The following FAR2 variants were observed in gnomAD, a reference collection of about 807,000 sequenced individuals.
The protein encoded by FAR2 is epididymis secretory protein Li 81.
Under a neutral mutation model 56.0 loss-of-function variants are expected in FAR2, and 19 were observed. The ratio of observed to expected loss-of-function variants is 0.34; its 90% CI spans 0.24 to 0.50. The LOEUF (loss-of-function observed/expected upper bound fraction) is 0.50, where lower values mean the gene tolerates loss of function less well. Among genes scored for constraint, FAR2 ranks in the 20% least tolerant of loss-of-function variants. The pLI is 0.98. For missense variants in FAR2, 508 were observed against 642.2 expected (o/e 0.79, Z 2.26); for synonymous variants, 219 against 218.8 (o/e 1.00, Z -0.01).
At chr12:29,216,749 TCAATATTTTAGACTTCCAAAAATATAC>T (rs1337934899) in intron 1 of FAR2, among the ~76,000 whole-genome samples, 1 of 152,250 alleles carries the variant, frequency 6.6e-6, no homozygotes, top group Non-Finnish European at 1.5e-5. Flanking sequence ...TTCAGGCATT[TCAATATTTTAGACTTCCAAAAATATAC>T]CAAAATATAA....
chr12:29,196,198 C>T (rs565741341), intron 1 of FAR2, among the ~76,000 whole-genome samples: 1 of 152,124 alleles, frequency 6.6e-6, no homozygotes, highest in South Asian at 2.1e-4. Context: ...GACTTCTTTT[C>T]TTTTGGGTAG....
chr12:29,292,872 G>T (rs1948994207), intron 2 of FAR2, among the ~76,000 whole-genome samples: 2 of 152,066 alleles, frequency 1.3e-5, no homozygotes, highest in East Asian at 3.9e-4. Context: ...GGATTGATAA[G>T]GTTGATAAAG....
intron 1 of FAR2, among the ~76,000 whole-genome samples, chr12:29,257,345 G>T (rs1948337545): frequency 1.3e-5 from 2 of 152,150 alleles, no homozygotes; most frequent in Non-Finnish European, 2.9e-5. Context: ...GAGAACCTTT[G>T]TGTCTAGCTC....
Position 29,335,051 on chromosome 12 carries a change from T to C in FAR2, c.*1257T>C, listed in dbSNP as rs1300817320. On this transcript the variant is annotated 3_prime_UTR_variant, in exon 12 of 12. Coordinates refer to ENST00000536681, the MANE Select transcript of FAR2 (RefSeq NM_001271783.2). ...TTCATGTTAAAAACATGGAATATTATTCAAATATAGTACTTGGGGCCTAAA... is the reference window on the plus strand; with the variant it reads ...TTCATGTTAAAAACATGGAATATTACTCAAATATAGTACTTGGGGCCTAAA... The C allele has an allele frequency of 6.6e-6, 1 of 152,200 alleles. No homozygotes were observed. The highest frequency in any genetic ancestry group is 1.5e-5 in the Non-Finnish European group (1 of 68,018). 9.4% of individuals were successfully genotyped at this position (152,200 alleles called of 1,614,324 possible). A position where few individuals can be genotyped will look rare whatever the true frequency, so the allele number is the denominator to read the frequency against.
At chr12:29,214,766 A>G (rs1173613031) in intron 1 of FAR2, among the ~76,000 whole-genome samples, 2 of 152,104 alleles carry the variant, frequency 1.3e-5, no homozygotes, top group African/African-American at 2.4e-5. Context: ...AGTTGCAGTG[A>G]GCCAAGATTG....
intron 1 of FAR2, among the ~76,000 whole-genome samples, chr12:29,192,351 A>G (rs1405226753): frequency 6.6e-6 from 1 of 152,220 alleles, no homozygotes; most frequent in African/African-American, 2.4e-5. Flanking sequence ...AGCCCCTACA[A>G]GGTTTCAGAG....
chr12:29,172,997 C>T (rs1451739835), intron 1 of FAR2, among the ~76,000 whole-genome samples: 2 of 152,298 alleles, frequency 1.3e-5, no homozygotes, highest in South Asian at 2.1e-4. Context: ...GACTAAGATA[C>T]CAGGTATCTC....
chr12:29,238,296 A>G (rs61010408), intron 1 of FAR2, among the ~76,000 whole-genome samples: 287 of 152,294 alleles, frequency 1.9e-3, no homozygotes, highest in African/African-American at 6.0e-3. Context: ...AATTGTTTCA[A>G]TGAAGATGTT....
At chr12:29,278,662 T>C (rs571313884) in intron 2 of FAR2, among the ~76,000 whole-genome samples, 17 of 152,266 alleles carry the variant, frequency 1.1e-4, no homozygotes, top group African/African-American at 3.4e-4. Flanking sequence ...AACAGACTTT[T>C]AACAACAAAA....
In FAR2 at chr12:29,297,085, A is replaced by G. The variant is rs1949084933; in HGVS notation, c.430A>G (p.Lys144Glu). 1.2e-6 allele frequency: 2 copies of G among 1,613,286 alleles called. No homozygotes were observed. Among genetic ancestry groups the G allele is most frequent in the African/African-American group, 2.7e-5 (2 of 74,880 alleles). The change falls in exon 4 of 12, where the codon AAG (lysine) becomes GAG (glutamate). Residue 144 changes from lysine (K) to glutamate (E), a missense_variant. Lys to Glu is a moderately conservative substitution (Grantham distance 56). Coordinates refer to ENST00000536681, the MANE Select transcript of FAR2 (RefSeq NM_001271783.2). ...QLLLMASQMPKLEAFIHISTA... is the reference protein window; with the variant it reads ...QLLLMASQMPELEAFIHISTA... ...CTTGCTTATGGCTAGTCAGATGCCA[A>G]AGCTGGAAGCCTTTATACATATCTC...
chr12:29,188,241 T>C (rs1054151375), intron 1 of FAR2, among the ~76,000 whole-genome samples: 14 of 152,196 alleles, frequency 9.2e-5, no homozygotes, highest in African/African-American at 3.4e-4. Flanking sequence ...TTTTCCACTG[T>C]TGTTTTCTTT....
At chr12:29,271,338 A>G (rs755211074) in intron 2 of FAR2, among the ~76,000 whole-genome samples, 3 of 152,246 alleles carry the variant, frequency 2.0e-5, no homozygotes, top group Non-Finnish European at 2.9e-5. Context: ...ATTCTGGCTT[A>G]TGAATTTGTT....
chr12:29,203,999 CAAAAAAAA>C (rs34399942), intron 1 of FAR2, among the ~76,000 whole-genome samples: 5 of 68,114 alleles, frequency 7.3e-5, no homozygotes, highest in African/African-American at 1.4e-4. Flanking sequence ...GATTCCATCT[CAAAAAAAA>C]AAAAAAAAAA....
intron 10 of FAR2, among the ~76,000 whole-genome samples, chr12:29,323,371 T>G (rs1021911639): frequency 6.6e-6 from 1 of 152,168 alleles, no homozygotes; most frequent in Non-Finnish European, 1.5e-5. Flanking sequence ...GTCTTAAATG[T>G]CCCTGTCTGA....
intron 1 of FAR2, among the ~76,000 whole-genome samples, chr12:29,187,080 G>A (rs1055467848): frequency 6.6e-6 from 1 of 152,158 alleles, no homozygotes; most frequent in Non-Finnish European, 1.5e-5. Context: ...GAGCCACTGC[G>A]CCCGGCCCGG....
chr12:29,198,670 A>G (rs1049486614), intron 1 of FAR2, among the ~76,000 whole-genome samples: 1 of 152,178 alleles, frequency 6.6e-6, no homozygotes, highest in East Asian at 1.9e-4. Context: ...TAAAAACTGA[A>G]GCATAAAAAT....
chr12:29,219,609 T>C (rs1389282850), intron 1 of FAR2, among the ~76,000 whole-genome samples: 1 of 152,106 alleles, frequency 6.6e-6, no homozygotes, highest in Non-Finnish European at 1.5e-5. Flanking sequence ...GTAAATGTGT[T>C]TTAACTCTGA....
At chr12:29,305,774 C>T (rs1949245048) in intron 4 of FAR2, among the ~76,000 whole-genome samples, 1 of 152,010 alleles carries the variant, frequency 6.6e-6, no homozygotes, top group Admixed American at 6.6e-5. Context: ...AGAGGCAAGT[C>T]ATCTATAGAA....
intron 2 of FAR2, among the ~76,000 whole-genome samples, chr12:29,282,614 TA>T (rs1948805980): frequency 6.6e-6 from 1 of 152,176 alleles, no homozygotes; most frequent in Non-Finnish European, 1.5e-5. Context: ...AATTTTTTTT[TA>T]AAACATAGTA....
Sources: allele counts gnomAD v4.1 joint callset (sites outside exome capture counted in the v4.1 genomes callset), GRCh38; gene constraint gnomAD v4.1.1; transcripts MANE v1.5; gene names NCBI Gene and HGNC (gene_info 2026-07-23, HGNC 2026-07-21).